Variants in SPI1 observed in about 807,000 individuals in gnomAD.
SPI1 encodes Spi-1 proto-oncogene.
SPI1 carries 3 observed loss-of-function variants against 30.7 expected under a neutral mutation model. That is an observed-to-expected ratio of 0.10 (90% CI 0.04 to 0.25). SPI1 has a LOEUF of 0.25. Among genes scored for constraint, SPI1 ranks in the 10% least tolerant of loss-of-function variants. The pLI, the probability that SPI1 is intolerant of heterozygous loss-of-function variation, is 1.00. For synonymous variants in SPI1, 169 were observed against 157.1 expected, an observed-to-expected ratio of 1.08 and a Z score of -0.56; for missense variants, 261 against 371.5, an observed-to-expected ratio of 0.70 and a Z score of 2.45.
At position 47,358,925 on chromosome 11, in the gene SPI1, G is replaced by T; in HGVS notation, c.412C>A (p.Arg138=). The change falls in exon 4 of 5, where the codon CGG becomes AGG. Residue 138 remains arginine (R), a synonymous_variant. Coordinates refer to ENST00000378538, the MANE Select transcript of SPI1 (RefSeq NM_003120.3). Reference sequence around the variant, plus strand: ...GACACCTCCAGTGGGGGGCTCTGCCGCTCGCCCTCCTCCTCATCTGAGCTG... The same window carrying T: ...GACACCTCCAGTGGGGGGCTCTGCCTCTCGCCCTCCTCCTCATCTGAGCTG... ...QPSSDEEEGE[R]QSPPLEVSDG... The T allele has an allele frequency of 6.4e-7, 1 of 1,564,148 alleles. No individual in the cohort carries two copies. Among genetic ancestry groups the T allele is most frequent in the East Asian group, 2.3e-5 (1 of 43,954 alleles).
At chr11:47,367,171 A>G (rs936425131) in intron 2 of SPI1, among the ~76,000 whole-genome samples, 10 of 151,760 alleles carry the variant, frequency 6.6e-5, no homozygotes, top group Admixed American at 4.6e-4. Flanking sequence ...AGTGCTATGA[A>G]AGGATGAAGA....
intron 4 of SPI1, among the ~76,000 whole-genome samples, chr11:47,356,816 A>G (rs1354122092): frequency 1.3e-5 from 2 of 149,856 alleles, no homozygotes; most frequent in African/African-American, 4.9e-5. Context: ...ACACCTGCTT[A>G]CACACATCTC....
chr11:47,362,387 TAGTG>T (rs1435091157), intron 2 of SPI1, among the ~76,000 whole-genome samples: 2 of 152,106 alleles, frequency 1.3e-5, no homozygotes, highest in Non-Finnish European at 2.9e-5. Flanking sequence ...CTGGGCAACA[TAGTG>T]AGACCCTATC....
chr11:47,358,492 C>T (rs1365425781), intron 4 of SPI1: 1 of 654,200 alleles, frequency 1.5e-6, no homozygotes, highest in Admixed American at 2.1e-5. Flanking sequence ...TCACATTCAC[C>T]TTCTCACACA....
At chr11:47,372,274 T>G (rs1036007369) in intron 2 of SPI1, among the ~76,000 whole-genome samples, 1 of 152,106 alleles carries the variant, frequency 6.6e-6, no homozygotes, top group Admixed American at 6.6e-5. Context: ...GTATTTCTAG[T>G]AGAGATGGGG....
At position 47,375,199 on chromosome 11, in the gene SPI1, C is replaced by G. The variant is rs1460098135; in HGVS notation, c.142+434G>C. Among the ~76,000 whole-genome samples the G allele has an allele frequency of 1.3e-5, 2 of 152,090 alleles. No homozygotes were observed. The highest frequency in any genetic ancestry group is 2.9e-5 in the Non-Finnish European group (2 of 68,022). ...CACATGGCAGGAAGTGCGGATGTGC[C>G]GGCGGGGAGTTTGGGACAGAGAGTG... On this transcript the variant is annotated intron_variant, in intron 2 of 4. Transcript: ENST00000378538. This position sits in a 1 kb window ranked among gnomAD's most constrained non-coding sequence, Gnocchi z 4.2.
intron 2 of SPI1, among the ~76,000 whole-genome samples, chr11:47,371,881 T>A (rs1295900826): frequency 6.6e-6 from 1 of 152,150 alleles, no homozygotes; most frequent in Non-Finnish European, 1.5e-5. Context: ...TGCCCTGTGC[T>A]CACTGGCCTC....
chr11:47,373,964 C>T (rs1012067174), intron 2 of SPI1, among the ~76,000 whole-genome samples: 4 of 152,246 alleles, frequency 2.6e-5, no homozygotes, highest in Admixed American at 6.5e-5. Flanking sequence ...GGAAGGAAAA[C>T]TGAGGCTGCA....
At position 47,375,054 on chromosome 11, in the gene SPI1, G is replaced by C. The variant is rs1404979767; in HGVS notation, c.142+579C>G. 6.6e-6 allele frequency among the ~76,000 whole-genome samples: 1 copy of C among 152,210 alleles called. No homozygotes were observed. Among genetic ancestry groups the C allele is most frequent in the African/African-American group, 2.4e-5 (1 of 41,460 alleles). ...GTTGTCATGATTGGCCATGGCCCTGGCATGTGGTAGGTAGAAGCAAGGATG... is the reference window on the plus strand; with the variant it reads ...GTTGTCATGATTGGCCATGGCCCTGCCATGTGGTAGGTAGAAGCAAGGATG... On this transcript the variant is annotated intron_variant, in intron 2 of 4. Transcript: ENST00000378538. This position sits in a 1 kb window ranked among gnomAD's most constrained non-coding sequence, Gnocchi z 4.2.
intron 4 of SPI1, among the ~76,000 whole-genome samples, chr11:47,357,180 C>T (rs1257868188): frequency 6.6e-6 from 1 of 151,380 alleles, no homozygotes; most frequent in Admixed American, 6.6e-5. Context: ...ATCTCACACC[C>T]ACTCACACAC....
chr11:47,370,222 G>C (rs1734290584), intron 2 of SPI1, among the ~76,000 whole-genome samples: 1 of 152,062 alleles, frequency 6.6e-6, no homozygotes, highest in Admixed American at 6.6e-5. Flanking sequence ...GGCCAACATG[G>C]TGAAACCCCA....
chr11:47,378,295 G>A lies in SPI1; in HGVS notation c.45+14C>T, dbSNP rs1480900649. ...GGCCACGGGTTGGGCTGGTGGAGGAGTCCCGGTACTCACAGGGGGGACGAG... is the reference window on the plus strand; with the variant it reads ...GGCCACGGGTTGGGCTGGTGGAGGAATCCCGGTACTCACAGGGGGGACGAG... On this transcript the variant is annotated intron_variant, in intron 1 of 4. Coordinates refer to ENST00000378538, the MANE Select transcript of SPI1 (RefSeq NM_003120.3). 1.9e-6 allele frequency: 3 copies of A among 1,613,430 alleles called. No individual in the cohort carries two copies. The South Asian group carries it at 3.3e-5, about 18-fold the overall frequency.
chr11:47,370,856 T>C (rs979878391), intron 2 of SPI1, among the ~76,000 whole-genome samples: 35 of 152,000 alleles, frequency 2.3e-4, no homozygotes, highest in African/African-American at 8.5e-4. Context: ...GAGTAATGAA[T>C]TGGGGATGTG....
intron 2 of SPI1, among the ~76,000 whole-genome samples, chr11:47,371,632 A>G (rs183517658): frequency 6.7e-6 from 1 of 149,500 alleles, no homozygotes; most frequent in Admixed American, 6.7e-5. Context: ...ACACCACTGC[A>G]CTCCAGCCTG....
intron 1 of SPI1, among the ~76,000 whole-genome samples, chr11:47,376,511 T>C (rs1192399910): frequency 6.6e-6 from 1 of 151,778 alleles, no homozygotes; most frequent in African/African-American, 2.4e-5. Context: ...ATCCCCTCAC[T>C]CTCCCTCCTG....
chr11:47,365,047 G>A (rs2095926416), intron 2 of SPI1, among the ~76,000 whole-genome samples: 1 of 152,192 alleles, frequency 6.6e-6, no homozygotes, highest in Non-Finnish European at 1.5e-5. Flanking sequence ...AATAAATACT[G>A]TCTGGTAGGC....
chr11:47,364,662 T>G (rs1008849314), intron 2 of SPI1, among the ~76,000 whole-genome samples: 1 of 152,088 alleles, frequency 6.6e-6, no homozygotes, highest in Non-Finnish European at 1.5e-5. Context: ...AGGCACCCAA[T>G]TGCTCTGTTT....
rs2095918432 is a variant in SPI1 at position 47,360,051 on chromosome 11, C to A, written c.143-11G>T. The A allele has an allele frequency of 6.5e-7, 1 of 1,540,770 alleles. No homozygotes were observed. The highest frequency in any genetic ancestry group is 8.8e-7 in the Non-Finnish European group (1 of 1,140,442). On this transcript the variant is annotated splice_polypyrimidine_tract_variant and intron_variant, in intron 2 of 4. Coordinates refer to ENST00000378538, the MANE Select transcript of SPI1 (RefSeq NM_003120.3). ...AGTCCCAGTAATGGTCTGTGGGGGACAGCCAGGCAGTATGGGGTGAGCTCA... is the reference window on the plus strand; with the variant it reads ...AGTCCCAGTAATGGTCTGTGGGGGAAAGCCAGGCAGTATGGGGTGAGCTCA...
intron 2 of SPI1, among the ~76,000 whole-genome samples, chr11:47,372,441 G>A (rs2095937146): frequency 6.6e-6 from 1 of 152,174 alleles, no homozygotes. Context: ...AGCTCTGTGA[G>A]AGCAGTGGCC....
Sources: allele counts gnomAD v4.1 joint callset (sites outside exome capture counted in the v4.1 genomes callset), GRCh38; gene constraint gnomAD v4.1.1; non-coding constraint Gnocchi (gnomAD v3.1); transcripts MANE v1.5; gene names NCBI Gene and HGNC (gene_info 2026-07-23, HGNC 2026-07-21).